The following CRTAC1 variants were observed in gnomAD, a reference collection of about 807,000 sequenced individuals.
CRTAC1 encodes the protein cartilage acidic protein 1.
In CRTAC1, 37 loss-of-function variants were observed where a neutral mutation model predicts 67.8. The ratio of observed to expected loss-of-function variants is 0.55; its 90% CI spans 0.42 to 0.72. The LOEUF is 0.72. Among genes scored for constraint, CRTAC1 ranks in the 30% least tolerant of loss-of-function variants. The pLI is 0.00. For synonymous variants in CRTAC1, 348 were observed against 371.0 expected, an observed-to-expected ratio of 0.94 and a Z score of 0.71; for missense variants, 780 against 931.6, an observed-to-expected ratio of 0.84 and a Z score of 2.12.
intron 2 of CRTAC1, among the ~76,000 whole-genome samples, chr10:97,959,195 T>C (rs1477617499): frequency 2.0e-5 from 3 of 152,076 alleles, no homozygotes; most frequent in Non-Finnish European, 4.4e-5. Context: ...GACTCAATGA[T>C]TCATTGGGAG....
chr10:97,988,110 G>A (rs1314582946), intron 2 of CRTAC1, among the ~76,000 whole-genome samples: 1 of 152,142 alleles, frequency 6.6e-6, no homozygotes, highest in African/African-American at 2.4e-5. Flanking sequence ...GACACAGAGA[G>A]CGATCCTGGC....
At chr10:97,918,867 T>G (rs1169658440) in intron 4 of CRTAC1, among the ~76,000 whole-genome samples, 6 of 151,460 alleles carry the variant, frequency 4.0e-5, no homozygotes, top group African/African-American at 1.5e-4. Flanking sequence ...CACTGCAGCC[T>G]CCACCTCCCA....
chr10:98,001,149 C>T (rs1420810365), intron 2 of CRTAC1, among the ~76,000 whole-genome samples: 2 of 152,056 alleles, frequency 1.3e-5, no homozygotes, highest in East Asian at 1.9e-4. Flanking sequence ...ATAAATTAGC[C>T]TCTACATGTA....
rs1459577145 is a variant in CRTAC1 at position 98,020,443 on chromosome 10, G to A, written c.25-9106C>T. Among the ~76,000 whole-genome samples the A allele has an allele frequency of 2.0e-5, 3 of 152,256 alleles. No homozygotes were observed. In the East Asian group the frequency reaches 5.8e-4, roughly 29 times the overall value. On this transcript the variant is annotated intron_variant, in intron 1 of 14. Coordinates refer to ENST00000370597, the MANE Select transcript of CRTAC1 (RefSeq NM_018058.7). Reference sequence around the variant, plus strand: ...TTACAGATAAGAAAACTAAGGCACAGAGAGGGTAAGTAACTTGCCCAAGGT... The same window carrying A: ...TTACAGATAAGAAAACTAAGGCACAAAGAGGGTAAGTAACTTGCCCAAGGT...
At chr10:97,928,080 A>G (rs1158333651) in intron 3 of CRTAC1, among the ~76,000 whole-genome samples, 1 of 152,180 alleles carries the variant, frequency 6.6e-6, no homozygotes, top group Non-Finnish European at 1.5e-5. Flanking sequence ...GGCGTGGGAG[A>G]AACAGGAGAG....
intron 3 of CRTAC1, among the ~76,000 whole-genome samples, chr10:97,930,035 C>A (rs1442662962): frequency 6.6e-6 from 1 of 152,196 alleles, no homozygotes. Flanking sequence ...AAGAGGGAAA[C>A]CCGATCAGCT....
At chr10:98,010,510 G>A (rs543201387) in intron 2 of CRTAC1, among the ~76,000 whole-genome samples, 13 of 152,094 alleles carry the variant, frequency 8.5e-5, no homozygotes, top group South Asian at 2.1e-4. Flanking sequence ...AAACTGGAAC[G>A]TTTACACCTT....
chr10:98,027,017 G>A (rs961491665), intron 1 of CRTAC1, among the ~76,000 whole-genome samples: 2 of 152,024 alleles, frequency 1.3e-5, no homozygotes, highest in Non-Finnish European at 2.9e-5. Flanking sequence ...AATACAAAAA[G>A]TTAGCCGGGC....
chr10:97,870,022 G>A (rs1259411948), intron 14 of CRTAC1: 2 of 152,234 alleles, frequency 1.3e-5, no homozygotes, highest in African/African-American at 4.8e-5. Context: ...TGGAGCCTCA[G>A]ATTCCCCAGT....
Position 98,011,288 on chromosome 10 carries a change from G to T in CRTAC1, c.74C>A (p.Thr25Asn), listed in dbSNP as rs1341981868. The change falls in exon 2 of 15, where the codon ACT (threonine) becomes AAT (asparagine). Residue 25 changes from threonine to asparagine, a missense_variant. Thr to Asn is a moderately conservative substitution (Grantham distance 65). Coordinates refer to ENST00000370597, the MANE Select transcript of CRTAC1 (RefSeq NM_018058.7). Reference protein sequence around the residue: ...FLLLLWFLPITEGSQRAEPMF... With the variant: ...FLLLLWFLPINEGSQRAEPMF... ...GGGTTCAGCCCGCTGGGACCCCTCAGTGATGGGCAGAAACCAGAGCAGCAG... is the reference window on the plus strand; with the variant it reads ...GGGTTCAGCCCGCTGGGACCCCTCATTGATGGGCAGAAACCAGAGCAGCAG... 6.2e-7 allele frequency: 1 copy of T among 1,614,092 alleles called. No individual in the cohort carries two copies. Among genetic ancestry groups the T allele is most frequent in the Non-Finnish European group, 8.5e-7 (1 of 1,180,040 alleles).
chr10:98,017,954 T>C (rs1843032856), intron 1 of CRTAC1, among the ~76,000 whole-genome samples: 1 of 151,348 alleles, frequency 6.6e-6, no homozygotes, highest in African/African-American at 2.4e-5. Flanking sequence ...CCCAGCACTT[T>C]GGGAGGCCGA....
At chr10:97,925,627 A>G (rs2050901719) in intron 3 of CRTAC1, among the ~76,000 whole-genome samples, 1 of 115,682 alleles carries the variant, frequency 8.6e-6, no homozygotes, top group African/African-American at 3.3e-5. Context: ...AGTGAGTGTG[A>G]GGGGAGGGTG....
At chr10:97,989,605 C>A (rs1842397691) in intron 2 of CRTAC1, among the ~76,000 whole-genome samples, 1 of 152,330 alleles carries the variant, frequency 6.6e-6, no homozygotes, top group African/African-American at 2.4e-5. Context: ...CACCATTGTA[C>A]ATGTGGTTCA....
rs1010872952 is a variant in CRTAC1, at chr10:97,912,460, C to T, written c.716-4313G>A. Among the ~76,000 whole-genome samples the T allele has an allele frequency of 2.0e-5, 3 of 152,330 alleles. No individual in the cohort carries two copies. The South Asian group carries it at 6.2e-4, about 32-fold the overall frequency. On this transcript the variant is annotated intron_variant, in intron 5 of 14. Transcript: ENST00000370597. ...CTGATGATCTGTTCATTGGGCCCAA[C>T]CCCCAAAGGGCAGCCTTGGTTGTCC...
intron 2 of CRTAC1, among the ~76,000 whole-genome samples, chr10:97,972,225 G>A (rs1359919672): frequency 1.3e-5 from 2 of 152,242 alleles, no homozygotes; most frequent in South Asian, 2.1e-4. Context: ...TGAGCAAAGA[G>A]AGTACCATGA....
chr10:97,886,008 G>A (rs548416523), intron 11 of CRTAC1, among the ~76,000 whole-genome samples: 33 of 152,304 alleles, frequency 2.2e-4, no homozygotes, highest in South Asian at 1.0e-3. Flanking sequence ...TGGGGTGGAC[G>A]GTAGTTGGCA....
chr10:97,931,059 C>G (rs913306615), intron 3 of CRTAC1, among the ~76,000 whole-genome samples: 1 of 152,140 alleles, frequency 6.6e-6, no homozygotes, highest in Non-Finnish European at 1.5e-5. Context: ...TAGGCAGAGG[C>G]TATGAGCAGA....
chr10:97,944,089 C>T lies in CRTAC1; in HGVS notation c.225-7723G>A, dbSNP rs577006477. Reference sequence around the variant, plus strand: ...TGAAAGATTTTAGGTCTTAGGATGGCGACTGTAAGGCAAGATAACCTTTGG... The same window carrying T: ...TGAAAGATTTTAGGTCTTAGGATGGTGACTGTAAGGCAAGATAACCTTTGG... On this transcript the variant is annotated intron_variant, in intron 2 of 14. Coordinates refer to ENST00000370597, the MANE Select transcript of CRTAC1 (RefSeq NM_018058.7). 2.9e-4 allele frequency among the ~76,000 whole-genome samples: 44 copies of T among 152,148 alleles called. No homozygotes were observed. In the South Asian group the frequency reaches 4.8e-3, roughly 17 times the overall value.
chr10:98,019,585 C>T (rs550635207), intron 1 of CRTAC1, among the ~76,000 whole-genome samples: 23 of 152,298 alleles, frequency 1.5e-4, no homozygotes, highest in Middle Eastern at 6.8e-3. Flanking sequence ...TTTGGGCCTC[C>T]GTCTTTACTC....
Sources: allele counts gnomAD v4.1 joint callset (sites outside exome capture counted in the v4.1 genomes callset), GRCh38; gene constraint gnomAD v4.1.1; transcripts MANE v1.5; gene names NCBI Gene and HGNC (gene_info 2026-07-23, HGNC 2026-07-21).